USP34: variants seen among roughly 807,000 people sequenced by gnomAD.
The protein encoded by USP34 is ubiquitin specific peptidase 34, also known as ubiquitin carboxyl-terminal hydrolase 34.
USP34 carries 70 observed loss-of-function variants against 460.3 expected under a neutral mutation model. The ratio of observed to expected loss-of-function variants is 0.15; its 90% confidence interval spans 0.13 to 0.19. The LOEUF (loss-of-function observed/expected upper bound fraction) is 0.19. USP34 is among the 10% of genes least tolerant of loss of function. The pLI, the probability that USP34 is intolerant of heterozygous loss-of-function variation, is 1.00. For missense variants in USP34, 3,985 were observed against 4,236.2 expected, an observed-to-expected ratio of 0.94 and a Z score of 1.65; for synonymous variants, 1,647 against 1,405.3, an observed-to-expected ratio of 1.17 and a Z score of -3.85.
At chr2:61,348,524 T>C in intron 14 of USP34, 44 bp from the exon 15 acceptor site, 1 of 1,564,394 alleles carries the variant, frequency 6.4e-7, no homozygotes, top group Non-Finnish European at 8.6e-7. Context: ...TTTAAACCAG[T>C]AAGAAAAAAG....
chr2:61,407,089 A>C (rs923243475), intron 2 of USP34, among the ~76,000 whole-genome samples: 12 of 152,142 alleles, frequency 7.9e-5, no homozygotes, highest in Admixed American at 6.5e-4. Context: ...ATATGTAGAT[A>C]ATTAAAAGGA....
chr2:61,253,240 A>C (rs987050405), intron 48 of USP34, among the ~76,000 whole-genome samples: 2 of 152,228 alleles, frequency 1.3e-5, no homozygotes, highest in Admixed American at 1.3e-4. Context: ...GAAAAACAGC[A>C]GAATCTTATC....
chr2:61,218,415 T>C (rs1258541361), intron 67 of USP34, among the ~76,000 whole-genome samples: 1 of 152,000 alleles, frequency 6.6e-6, no homozygotes, highest in Non-Finnish European at 1.5e-5. Flanking sequence ...CCTTTTATTT[T>C]AGAATAAGCA....
chr2:61,203,064 A>G (rs1049301666), intron 75 of USP34, 76 bp downstream of exon 75: 83 of 1,343,934 alleles, frequency 6.2e-5, no homozygotes, highest in Non-Finnish European at 7.9e-5. Flanking sequence ...ATTGTCTCAT[A>G]ATTTTTCTCC....
chr2:61,455,104 A>G (rs1303660748), intron 1 of USP34, among the ~76,000 whole-genome samples: 1 of 150,642 alleles, frequency 6.6e-6, no homozygotes, highest in African/African-American at 2.4e-5. Context: ...CTGGTATTGA[A>G]CTCCTGACCT....
intron 27 of USP34, among the ~76,000 whole-genome samples, chr2:61,310,594 C>G (rs1320100836): frequency 2.7e-5 from 4 of 150,194 alleles, no homozygotes; most frequent in African/African-American, 9.8e-5. Context: ...CTTGGTATCT[C>G]TGGAAAGAGA....
rs72886807 is a variant in USP34 at position 61,265,052 on chromosome 2, T to C, written c.5778+345A>G. On this transcript the variant is annotated intron_variant, in intron 43 of 79. Transcript: ENST00000398571. ...TCTACTTGGATTCAGGGTTTCCTTA[T>C]TTTCTCTGTAATAAAAATATGTATT... 1.2e-3 allele frequency among the ~76,000 whole-genome samples: 188 copies of C among 152,344 alleles called. 3 individuals are homozygous for C. The highest frequency in any genetic ancestry group is 3.9e-3 in the African/African-American group (162 of 41,588).
chr2:61,412,330 A>G (rs1694066146), intron 2 of USP34, among the ~76,000 whole-genome samples: 5 of 152,124 alleles, frequency 3.3e-5, no homozygotes, highest in Admixed American at 3.3e-4. Context: ...GAGATATAAA[A>G]TATTACGTTA....
At chr2:61,273,227 T>G (rs1274902540) in intron 41 of USP34, among the ~76,000 whole-genome samples, 1 of 152,180 alleles carries the variant, frequency 6.6e-6, no homozygotes, top group Admixed American at 6.5e-5. Flanking sequence ...TGGCTTTGCA[T>G]AAATACAACA....
chr2:61,347,037 G>C (rs1691792348), intron 15 of USP34, among the ~76,000 whole-genome samples: 1 of 151,906 alleles, frequency 6.6e-6, no homozygotes, highest in Non-Finnish European at 1.5e-5. Context: ...CTACTCAGGA[G>C]GCTGAGGCAC....
chr2:61,422,046 C>T (rs1694377761), intron 1 of USP34, among the ~76,000 whole-genome samples: 1 of 152,196 alleles, frequency 6.6e-6, no homozygotes, highest in African/African-American at 2.4e-5. Flanking sequence ...ACACCCAAGA[C>T]CAGGCTTTTG....
intron 67 of USP34, 49 bp from the exon 68 acceptor site, chr2:61,214,743 G>A: frequency 1.9e-6 from 3 of 1,586,936 alleles, no homozygotes; most frequent in Non-Finnish European, 1.7e-6. Flanking sequence ...ATATAAAATA[G>A]ACTGAACAGC....
chr2:61,446,165 T>A (rs1413532741), intron 1 of USP34, among the ~76,000 whole-genome samples: 1 of 151,806 alleles, frequency 6.6e-6, no homozygotes, highest in African/African-American at 2.4e-5. Flanking sequence ...GTCTACATAT[T>A]TATTCATTCA....
chr2:61,263,603 T>A (rs568215691), intron 43 of USP34, among the ~76,000 whole-genome samples: 2 of 152,182 alleles, frequency 1.3e-5, no homozygotes, highest in Non-Finnish European at 2.9e-5. Context: ...TGCCTCAGCC[T>A]CCCAAATAGC....
In USP34 at chr2:61,343,869, G is replaced by C; in HGVS notation, c.2446C>G (p.Leu816Val). The C allele has an allele frequency of 6.2e-7, 1 of 1,613,988 alleles. No individual in the cohort carries two copies. The highest frequency in any genetic ancestry group is 1.3e-5 in the African/African-American group (1 of 75,030). ...GCTAAATTGGGAAGATGTTGTTGGA[G>C]GTGAGATGTCAGTTCCGCATGTGAA... ...INSHAELTSH[L>V]QQHLPNLASI... is the part of the protein sequence containing the mutation. Residue 816 changes from leucine to valine, a missense_variant, in exon 16 of 80, where the codon CTC becomes GTC. By Grantham distance (32) the Leu-to-Val change is conservative (BLOSUM62 1). This residue lies in a region of USP34 where 716 missense variants were observed against 626.2 expected (regional missense o/e 1.14). Coordinates refer to ENST00000398571, the MANE Select transcript of USP34 (RefSeq NM_014709.4).
intron 27 of USP34, among the ~76,000 whole-genome samples, chr2:61,303,547 C>T (rs187272584): frequency 1.3e-5 from 2 of 151,900 alleles, no homozygotes; most frequent in Admixed American, 1.3e-4. Context: ...TATGAAGCAG[C>T]GTATTCATTA....
intron 74 of USP34, 126 bp downstream of exon 74, chr2:61,204,130 G>C: frequency 7.8e-7 from 1 of 1,275,970 alleles, no homozygotes. Flanking sequence ...AAGTCCAAAT[G>C]AATCTAATCT....
chr2:61,267,277 G>C (rs936190752), intron 41 of USP34, among the ~76,000 whole-genome samples: 1 of 152,032 alleles, frequency 6.6e-6, no homozygotes, highest in African/African-American at 2.4e-5. Context: ...AACAAACCTG[G>C]GGGTGGTCAG....
intron 3 of USP34, among the ~76,000 whole-genome samples, chr2:61,400,866 A>G (rs569496281): frequency 6.6e-6 from 1 of 152,128 alleles, no homozygotes; most frequent in Non-Finnish European, 1.5e-5. Flanking sequence ...AAATTAAAAA[A>G]TAAGTCCAGG....
Sources: allele counts gnomAD v4.1 joint callset (sites outside exome capture counted in the v4.1 genomes callset), GRCh38; gene constraint gnomAD v4.1.1; regional missense constraint gnomAD v4.1.1; transcripts MANE v1.5; gene names NCBI Gene and HGNC (gene_info 2026-07-23, HGNC 2026-07-21).